The following C1QTNF9 variants were observed in gnomAD, a reference collection of about 807,000 sequenced individuals.
The protein encoded by C1QTNF9 is complement C1q and tumor necrosis factor-related protein 9A.
Under a neutral mutation model 10.1 loss-of-function variants are expected in C1QTNF9, and 6 were observed. The ratio of observed to expected loss-of-function variants is 0.59; its 90% CI spans 0.32 to 1.17. The LOEUF is 1.17. C1QTNF9 is among the 50% of genes most tolerant of loss of function. C1QTNF9 has a pLI of 0.04. For synonymous variants in C1QTNF9, 98 were observed against 163.5 expected (o/e 0.60, Z 3.06); for missense variants, 201 against 418.8 (o/e 0.48, Z 4.54).
chr13:24,320,931 A>C, intron 3 of C1QTNF9, 65 bp from the exon 4 acceptor site: 4 of 1,547,574 alleles, frequency 2.6e-6, no homozygotes, highest in South Asian at 1.2e-5. Context: ...ATTATAGAAA[A>C]ACCAAAGTTG....
At chr13:24,313,118 A>G (rs1273008602) in intron 1 of C1QTNF9, among the ~76,000 whole-genome samples, 2 of 152,204 alleles carry the variant, frequency 1.3e-5, no homozygotes, top group African/African-American at 2.4e-5. Context: ...ACAAACAAAC[A>G]AACAAACAAA....
chr13:24,321,439 A>G, exon 4 of C1QTNF9: 1 of 1,612,844 alleles, frequency 6.2e-7, no homozygotes. Flanking sequence ...TAAATTTGAT[A>G]AGATCCTGTA....
In C1QTNF9 at chr13:24,312,336, A is replaced by C. The variant is rs556705399; in HGVS notation, c.-23+2720A>C. Among the ~76,000 whole-genome samples, 5 of 151,096 alleles carry C rather than the reference A, an allele frequency of 3.3e-5. No homozygotes were observed. In the East Asian group the frequency reaches 9.7e-4, roughly 29 times the overall value. ...TAGTCTAGGTGTGGTGTACAGAGTA[A>C]GTGGGGACTGGGGAGGACAGTAATT... On this transcript the variant is annotated intron_variant, in intron 1 of 3. Transcript: ENST00000332018.
intron 1 of C1QTNF9, among the ~76,000 whole-genome samples, chr13:24,314,938 G>A (rs1182870479): frequency 6.7e-6 from 1 of 148,224 alleles, no homozygotes; most frequent in African/African-American, 2.5e-5. Flanking sequence ...TGGCCTCCTA[G>A]AAAAACAAGA....
rs538420268 is a variant in C1QTNF9 at position 24,320,071 on chromosome 13, T to C, written c.230-925T>C. Among the ~76,000 whole-genome samples the C allele has an allele frequency of 4.9e-4, 74 of 151,864 alleles. 1 individual carries two copies. In the South Asian group the frequency reaches 0.015, roughly 32 times the overall value. ...ATGAATTGCCGGTGGGATAGGTGGG[T>C]TGGGGCTGGGGTTGGGCAGGAGAGG... On this transcript the variant is annotated intron_variant, in intron 3 of 3. Transcript: ENST00000332018.
At chr13:24,308,976 A>T (rs1877707469), upstream of C1QTNF9, among the ~76,000 whole-genome samples, 1 of 152,090 alleles carries the variant, frequency 6.6e-6, no homozygotes, top group Non-Finnish European at 1.5e-5. Flanking sequence ...ATGGACACTG[A>T]ATCCTTACCT....
At chr13:24,313,031 G>A (rs535891871) in intron 1 of C1QTNF9, among the ~76,000 whole-genome samples, 1 of 152,016 alleles carries the variant, frequency 6.6e-6, no homozygotes, top group Non-Finnish European at 1.5e-5. Context: ...TATTCAGAAG[G>A]CTGAGGCAGG....
Position 24,312,975 on chromosome 13 carries a change from A to G in C1QTNF9, c.-22-3007A>G, listed in dbSNP as rs567221068. Among the ~76,000 whole-genome samples the G allele has an allele frequency of 3.2e-4, 48 of 151,984 alleles. 1 individual carries two copies. Among genetic ancestry groups the G allele is most frequent in the Admixed American group, 9.8e-4 (15 of 15,250 alleles). ...ATCTCAAAAAAAAAAAAAAAGAAAA[A>G]AAAAATAGTGCCAACCTAGGTGGTG... On this transcript the variant is annotated intron_variant, in intron 1 of 3. Transcript: ENST00000332018.
chr13:24,318,840 C>G, exon 3 of C1QTNF9: 2 of 1,614,206 alleles, frequency 1.2e-6, no homozygotes, highest in South Asian at 1.1e-5. Context: ...GTCCTGGCAG[C>G]CCGGGGAAGG....
intron 2 of C1QTNF9, 108 bp downstream of exon 2, chr13:24,316,277 A>G (rs1878030883): frequency 6.1e-6 from 9 of 1,482,560 alleles, no homozygotes; most frequent in Non-Finnish European, 8.3e-6. Flanking sequence ...CACCCCATCC[A>G]TCCATACATA....
At chr13:24,315,670 C>T (rs1877993732) in intron 1 of C1QTNF9, 1 of 473,134 alleles carries the variant, frequency 2.1e-6, no homozygotes, top group Non-Finnish European at 3.7e-6. Flanking sequence ...AAGCATTGAT[C>T]TCTGGTTCAG....
chr13:24,307,645 C>CA (rs1322649463), upstream of C1QTNF9, among the ~76,000 whole-genome samples: 1 of 152,258 alleles, frequency 6.6e-6, no homozygotes, highest in East Asian at 1.9e-4. Context: ...CCTTGGGCTG[C>CA]ACTGGGGAAG....
At chr13:24,307,978 C>T (rs568393465), upstream of C1QTNF9, among the ~76,000 whole-genome samples, 11 of 152,324 alleles carry the variant, frequency 7.2e-5, no homozygotes, top group East Asian at 2.1e-3. Flanking sequence ...CCACGGACCC[C>T]AGGCCCCGGC....
At chr13:24,309,282 A>ATT (rs1566212521), upstream of C1QTNF9, among the ~76,000 whole-genome samples, 94 of 3,950 alleles carry the variant, frequency 0.024, no homozygotes, top group Admixed American at 0.051. Context: ...AACTTAAAGT[A>ATT]TTATATATAT....
intron 1 of C1QTNF9, 124 bp from the exon 2 acceptor site, chr13:24,315,858 T>C: frequency 9.8e-7 from 1 of 1,016,138 alleles, no homozygotes; most frequent in Non-Finnish European, 1.4e-6. Context: ...TCTGTCCAAG[T>C]TTGTGCAGGT....
intron 2 of C1QTNF9, among the ~76,000 whole-genome samples, chr13:24,316,729 C>T (rs954002831): frequency 6.6e-6 from 1 of 152,096 alleles, no homozygotes; most frequent in East Asian, 1.9e-4. Context: ...GGACCCTGTC[C>T]CAGGGTCTGG....
At chr13:24,322,354 T>C (rs1389169484) in exon 4 of C1QTNF9, 4 of 152,336 alleles carry the variant, frequency 2.6e-5, no homozygotes, top group African/African-American at 9.6e-5. Flanking sequence ...AAGCCCTGCA[T>C]GCATTAGCTA....
chr13:24,310,320 CTT>C (rs59368172), intron 1 of C1QTNF9, among the ~76,000 whole-genome samples: 95,189 of 140,596 alleles, frequency 0.68, 32,462 homozygotes, highest in Non-Finnish European at 0.74. Flanking sequence ...CGCCTGGCTA[CTT>C]TTTTTTTTTT....
upstream of C1QTNF9, chr13:24,309,510 A>C (rs1877731627): frequency 1.3e-5 from 2 of 151,980 alleles, no homozygotes; most frequent in African/African-American, 4.8e-5. Context: ...TATTTTGCAG[A>C]CATATCCACT....
Sources: allele counts gnomAD v4.1 joint callset (sites outside exome capture counted in the v4.1 genomes callset), GRCh38; gene constraint gnomAD v4.1.1; transcripts MANE v1.5; gene names NCBI Gene and HGNC (gene_info 2026-07-23, HGNC 2026-07-21).